Variants in PIGU observed in about 807,000 individuals in gnomAD.
PIGU encodes the protein GPI-anchor transamidase component PIGU.
In PIGU, 24 loss-of-function variants were observed where a neutral mutation model predicts 49.9. The ratio of observed to expected loss-of-function variants is 0.48; its 90% confidence interval spans 0.35 to 0.68. The LOEUF (loss-of-function observed/expected upper bound fraction) is 0.68. Among genes scored for constraint, PIGU ranks in the 30% least tolerant of loss-of-function variants. The pLI, the probability that PIGU is intolerant of heterozygous loss-of-function variation, is 0.01. For synonymous variants in PIGU, 220 were observed against 205.7 expected (o/e 1.07, Z -0.59); for missense variants, 490 against 532.6 (o/e 0.92, Z 0.79).
At chr20:34,650,700 CTT>C (rs59998699) in intron 2 of PIGU, among the ~76,000 whole-genome samples, 20 of 38,780 alleles carry the variant, frequency 5.2e-4, no homozygotes, top group African/African-American at 1.9e-3. Flanking sequence ...CTTTTTTTCT[CTT>C]TTTTTTTTTT....
intron 7 of PIGU, among the ~76,000 whole-genome samples, chr20:34,597,104 G>A (rs921980338): frequency 1.3e-5 from 2 of 152,096 alleles, no homozygotes; most frequent in Non-Finnish European, 2.9e-5. Flanking sequence ...AAAGCTAAAC[G>A]TACACTTGCC....
intron 11 of PIGU, among the ~76,000 whole-genome samples, chr20:34,564,073 T>A (rs1310348259): frequency 6.6e-6 from 1 of 152,012 alleles, no homozygotes; most frequent in Non-Finnish European, 1.5e-5. Flanking sequence ...CAGAAAAGAC[T>A]AAGAAGAAAA....
At chr20:34,642,744 CTTTTT>C (rs946911419) in intron 4 of PIGU, among the ~76,000 whole-genome samples, 7 of 91,156 alleles carry the variant, frequency 7.7e-5, no homozygotes, top group Non-Finnish European at 1.6e-4. Flanking sequence ...TTTCCCTAGT[CTTTTT>C]TTTTTTTTTT....
chr20:34,601,495 C>T (rs912781410), intron 7 of PIGU, among the ~76,000 whole-genome samples: 3 of 152,094 alleles, frequency 2.0e-5, no homozygotes, highest in East Asian at 1.9e-4. Context: ...AACTTAATCT[C>T]GAGGTTGTAA....
intron 1 of PIGU, among the ~76,000 whole-genome samples, chr20:34,657,891 T>TA (rs1166396858): frequency 6.6e-6 from 1 of 152,192 alleles, no homozygotes; most frequent in East Asian, 1.9e-4. Flanking sequence ...GAATGCTTTA[T>TA]ACTTAAAATT....
intron 6 of PIGU, among the ~76,000 whole-genome samples, chr20:34,632,481 C>G (rs188250315): frequency 2.5e-3 from 379 of 151,988 alleles, no homozygotes; most frequent in Non-Finnish European, 4.1e-3. Flanking sequence ...CAATTCTCTG[C>G]CTCAGCCTCC....
rs1986148405 is a variant in PIGU, at chr20:34,641,199, G to C, written c.318+2965C>G. Among the ~76,000 whole-genome samples the C allele has an allele frequency of 6.6e-5, 10 of 152,204 alleles. No homozygotes were observed. In the South Asian group the frequency reaches 2.1e-3, roughly 32 times the overall value. ...CCCAAAGTGTTGGGATTACAGGCGT[G>C]AGCCACAGCGCCCGGCTATAAAGGG... On this transcript the variant is annotated intron_variant, in intron 4 of 11. Coordinates refer to ENST00000217446, the MANE Select transcript of PIGU (RefSeq NM_080476.5).
chr20:34,616,970 C>T (rs1190634812), intron 6 of PIGU, among the ~76,000 whole-genome samples: 2 of 152,096 alleles, frequency 1.3e-5, no homozygotes, highest in Non-Finnish European at 2.9e-5. Context: ...ATTAGCCAGG[C>T]GTAGTGGTGG....
At chr20:34,585,395 GACAGCTCTGT>G in intron 9 of PIGU, 32 bp downstream of exon 9, 1 of 1,594,574 alleles carries the variant, frequency 6.3e-7, no homozygotes, top group Non-Finnish European at 8.6e-7. Flanking sequence ...GGGCTTCTCG[GACAGCTCTGT>G]ACACACAGCA....
chr20:34,659,015 C>G (rs1248118254), intron 1 of PIGU, among the ~76,000 whole-genome samples: 50 of 138,322 alleles, frequency 3.6e-4, no homozygotes, highest in Middle Eastern at 4.1e-3. Context: ...TGCCCGGCCA[C>G]CCCCTACTGG....
At chr20:34,676,024 T>TAAAAA (rs10711315) in intron 1 of PIGU, among the ~76,000 whole-genome samples, 1 of 132,610 alleles carries the variant, frequency 7.5e-6, no homozygotes, top group Admixed American at 7.8e-5. Context: ...TGTACTTCAG[T>TAAAAA]AAAAAAAAAA....
At chr20:34,567,638 G>A (rs1982828729) in intron 11 of PIGU, among the ~76,000 whole-genome samples, 1 of 152,038 alleles carries the variant, frequency 6.6e-6, no homozygotes, top group African/African-American at 2.4e-5. Flanking sequence ...TTTATCCTCA[G>A]CTCTTAAAGC....
intron 11 of PIGU, among the ~76,000 whole-genome samples, chr20:34,565,266 G>GTT (rs11482957): frequency 2.2e-4 from 33 of 150,674 alleles, no homozygotes; most frequent in Middle Eastern, 3.4e-3. Context: ...GGCTCCTCTA[G>GTT]TTTTTTTTTG....
intron 1 of PIGU, among the ~76,000 whole-genome samples, chr20:34,668,145 A>G (rs188952273): frequency 2.0e-5 from 3 of 152,228 alleles, no homozygotes; most frequent in African/African-American, 7.2e-5. Flanking sequence ...TCACAGATAA[A>G]CGACTAAGGA....
At chr20:34,638,872 A>G (rs1986056105) in intron 4 of PIGU, among the ~76,000 whole-genome samples, 1 of 152,194 alleles carries the variant, frequency 6.6e-6, no homozygotes, top group African/African-American at 2.4e-5. Context: ...CAGAATATAG[A>G]TGAGAAAGCC....
intron 7 of PIGU, among the ~76,000 whole-genome samples, chr20:34,604,866 G>T (rs368986750): frequency 6.6e-6 from 1 of 152,166 alleles, no homozygotes; most frequent in Non-Finnish European, 1.5e-5. Context: ...GAGTACTCAC[G>T]GGGTAATTTC....
At chr20:34,613,291 C>A (rs1234113251) in intron 7 of PIGU, among the ~76,000 whole-genome samples, 3 of 152,208 alleles carry the variant, frequency 2.0e-5, no homozygotes, top group African/African-American at 7.2e-5. Context: ...GGAGCACTCA[C>A]CTGCTCAGCA....
At chr20:34,561,222 A>G (rs1982492429) in intron 11 of PIGU, among the ~76,000 whole-genome samples, 2 of 151,942 alleles carry the variant, frequency 1.3e-5, no homozygotes, top group African/African-American at 4.8e-5. Flanking sequence ...CCTCCATCCC[A>G]GGCTCTGGCC....
At chr20:34,611,540 G>A (rs1367609256) in intron 7 of PIGU, among the ~76,000 whole-genome samples, 1 of 151,704 alleles carries the variant, frequency 6.6e-6, no homozygotes, top group Admixed American at 6.6e-5. Flanking sequence ...CAGCTACTTG[G>A]GAGGCTGAGG....
Sources: allele counts gnomAD v4.1 joint callset (sites outside exome capture counted in the v4.1 genomes callset), GRCh38; gene constraint gnomAD v4.1.1; transcripts MANE v1.5; gene names NCBI Gene and HGNC (gene_info 2026-07-23, HGNC 2026-07-21).